The following USP37 variants were observed in gnomAD, a reference collection of about 807,000 sequenced individuals.
USP37 encodes ubiquitin specific peptidase 37.
A neutral mutation model predicts 124.0 loss-of-function variants in USP37; 27 were observed. The observed-to-expected ratio is 0.22, with a 90% CI of 0.16 to 0.30. The LOEUF is 0.30. USP37 is among the 10% of genes least tolerant of loss of function. The probability of loss-of-function intolerance (pLI) is 1.00; values close to 1 mark genes in which losing one functional copy is unlikely to be tolerated. For synonymous variants in USP37, 365 were observed against 388.0 expected, an observed-to-expected ratio of 0.94 and a Z score of 0.70; for missense variants, 889 against 1,140.4, an observed-to-expected ratio of 0.78 and a Z score of 3.17.
In USP37 at chr2:218,454,705, C is replaced by G. The variant is rs1032691707; in HGVS notation, c.*225G>C. 9 of 785,946 alleles carry G rather than the reference C, an allele frequency of 1.1e-5. No homozygotes were observed. Among genetic ancestry groups the G allele is most frequent in the African/African-American group, 1.7e-5 (1 of 57,164 alleles). The allele number at this position is 785,946 out of a possible 1,614,324, so 48.7% of individuals were successfully genotyped here. A position where few individuals can be genotyped will look rare whatever the true frequency, so the allele number is the denominator to read the frequency against. On this transcript the variant is annotated 3_prime_UTR_variant, in exon 26 of 26. Coordinates refer to ENST00000258399, the MANE Select transcript of USP37 (RefSeq NM_020935.3). ...TTCCTAAGACAAAAGAAGTGCCACT[C>G]ATAGGAGAAAAAGAGGATAATCAGC...
intron 11 of USP37, among the ~76,000 whole-genome samples, chr2:218,500,045 A>C (rs1416806418): frequency 6.6e-6 from 1 of 152,048 alleles, no homozygotes; most frequent in Non-Finnish European, 1.5e-5. Context: ...TTGGGATTAC[A>C]GGCGTGAGCC....
chr2:218,455,510 G>A (rs1397705412), intron 25 of USP37, 70 bp downstream of exon 25: 9 of 1,340,094 alleles, frequency 6.7e-6, no homozygotes, highest in African/African-American at 6.4e-5. Context: ...ATCCTCAAAG[G>A]AAAAAAAAAA....
At chr2:218,553,441 A>G (rs1692776806) in intron 5 of USP37, 112 bp downstream of exon 5, 28 of 928,732 alleles carry the variant, frequency 3.0e-5, no homozygotes, top group Non-Finnish European at 3.7e-5. Flanking sequence ...TTATTTGCTC[A>G]TGGTGTATAA....
intron 14 of USP37, among the ~76,000 whole-genome samples, chr2:218,494,450 A>G (rs1431649434): frequency 1.3e-5 from 2 of 152,276 alleles, no homozygotes; most frequent in Non-Finnish European, 2.9e-5. Context: ...GTTAATAACT[A>G]GATGTAAACT....
intron 15 of USP37, chr2:218,486,149 T>G (rs1466839914): frequency 6.3e-6 from 1 of 158,164 alleles, no homozygotes; most frequent in Admixed American, 6.5e-5. Flanking sequence ...GTCTGTTAGG[T>G]GTAACGCTAC....
chr2:218,513,419 G>A (rs180953832), intron 10 of USP37, among the ~76,000 whole-genome samples: 134 of 152,224 alleles, frequency 8.8e-4, no homozygotes, highest in African/African-American at 3.2e-3. Flanking sequence ...ACAATAAAAT[G>A]CACACATTTA....
intron 21 of USP37, 48 bp downstream of exon 21, chr2:218,465,962 C>T (rs1487811255): frequency 1.3e-6 from 2 of 1,570,322 alleles, no homozygotes; most frequent in African/African-American, 1.4e-5. Flanking sequence ...TATTATATTT[C>T]TCAGGAAAGG....
intron 10 of USP37, among the ~76,000 whole-genome samples, chr2:218,510,734 TG>T (rs1689935691): frequency 6.6e-6 from 1 of 152,234 alleles, no homozygotes; most frequent in African/African-American, 2.4e-5. Context: ...GGCTCACGCC[TG>T]TAAGCCCAGT....
In USP37 at chr2:218,454,763, G is replaced by T; in HGVS notation, c.*167C>A. 7.4e-7 allele frequency: 1 copy of T among 1,359,394 alleles called. No individual in the cohort carries two copies. The highest frequency in any genetic ancestry group is 2.5e-5 in the East Asian group (1 of 40,076). 84.2% of individuals were successfully genotyped at this position (1,359,394 alleles called of 1,614,324 possible). A position where few individuals can be genotyped will look rare whatever the true frequency, so the allele number is the denominator to read the frequency against. ...GTGAGACCAAAGTTTCCATAAAATA[G>T]CATGGAGCATTCTACGTTACTCCAA... On this transcript the variant is annotated 3_prime_UTR_variant, in exon 26 of 26. Coordinates refer to ENST00000258399, the MANE Select transcript of USP37 (RefSeq NM_020935.3).
At chr2:218,545,279 C>G (rs1692255674) in intron 8 of USP37, among the ~76,000 whole-genome samples, 1 of 152,164 alleles carries the variant, frequency 6.6e-6, no homozygotes, top group South Asian at 2.1e-4. Context: ...GTGATATGCA[C>G]AAAGGTGGTA....
intron 17 of USP37, among the ~76,000 whole-genome samples, chr2:218,481,466 C>G (rs569391020): frequency 1.3e-5 from 2 of 152,176 alleles, no homozygotes; most frequent in South Asian, 4.2e-4. Flanking sequence ...TTATTATCAC[C>G]TAAGTTTGAC....
chr2:218,506,729 C>T (rs1689702353), intron 11 of USP37, among the ~76,000 whole-genome samples: 1 of 151,170 alleles, frequency 6.6e-6, no homozygotes, highest in Admixed American at 6.6e-5. Context: ...TTTTCTTCTC[C>T]ATCTTTTCTG....
intron 10 of USP37, among the ~76,000 whole-genome samples, chr2:218,521,884 T>C (rs955608929): frequency 2.0e-5 from 3 of 152,182 alleles, no homozygotes; most frequent in Non-Finnish European, 4.4e-5. Flanking sequence ...CGTTGTCTTT[T>C]CCAGTTTTGA....
intron 10 of USP37, among the ~76,000 whole-genome samples, chr2:218,518,941 C>T (rs373368540): frequency 1.4e-4 from 21 of 152,292 alleles, no homozygotes; most frequent in African/African-American, 3.9e-4. Flanking sequence ...AGGTCTAATA[C>T]TGAGGTTATC....
intron 15 of USP37, among the ~76,000 whole-genome samples, chr2:218,485,961 T>C (rs1230273696): frequency 6.6e-6 from 1 of 152,190 alleles, no homozygotes; most frequent in Non-Finnish European, 1.5e-5. Flanking sequence ...TCTAATTTCC[T>C]TTTTCACCAA....
chr2:218,450,741 G>A lies in USP37; in HGVS notation c.*4189C>T, dbSNP rs1689456602. On this transcript the variant is annotated 3_prime_UTR_variant, in exon 26 of 26. Coordinates refer to ENST00000258399, the MANE Select transcript of USP37 (RefSeq NM_020935.3). ...TCTGACTGGACCAACCTGGAACCTG[G>A]TCCAGACCCTCACCCACTCTATTCT... 1 of 152,130 alleles carries A rather than the reference G, an allele frequency of 6.6e-6. No homozygotes were observed. The highest frequency in any genetic ancestry group is 1.5e-5 in the Non-Finnish European group (1 of 68,014). 9.4% of individuals were successfully genotyped at this position (152,130 alleles called of 1,614,324 possible).
At chr2:218,496,096 C>A in intron 13 of USP37, 146 bp from the exon 14 acceptor site, 1 of 671,824 alleles carries the variant, frequency 1.5e-6, no homozygotes, top group Non-Finnish European at 2.3e-6. Flanking sequence ...GAGTTCGAGA[C>A]CAGCCCGGCC....
intron 11 of USP37, 62 bp downstream of exon 11, chr2:218,509,917 C>T: frequency 7.1e-7 from 1 of 1,406,858 alleles, no homozygotes; most frequent in Non-Finnish European, 9.4e-7. Flanking sequence ...CATTTTACAC[C>T]AAAGCACACT....
intron 8 of USP37, among the ~76,000 whole-genome samples, chr2:218,541,832 T>C (rs1190067461): frequency 1.3e-5 from 2 of 152,158 alleles, no homozygotes; most frequent in Admixed American, 6.5e-5. Flanking sequence ...ACTCTTTTAG[T>C]GGACAATGGT....
Sources: allele counts gnomAD v4.1 joint callset (sites outside exome capture counted in the v4.1 genomes callset), GRCh38; gene constraint gnomAD v4.1.1; transcripts MANE v1.5; gene names NCBI Gene and HGNC (gene_info 2026-07-23, HGNC 2026-07-21).